The following ZFHX4 variants were observed in gnomAD, a reference collection of about 807,000 sequenced individuals.
ZFHX4 encodes the protein zinc finger homeobox 4.
Under a neutral mutation model 267.6 loss-of-function variants are expected in ZFHX4, and 56 were observed. The ratio of observed to expected loss-of-function variants is 0.21; its 90% CI spans 0.17 to 0.26. The LOEUF is 0.26. ZFHX4 is among the 10% of genes least tolerant of loss of function. ZFHX4 has a pLI of 1.00. For missense variants in ZFHX4, 4,332 were observed against 4,420.0 expected (o/e 0.98, Z 0.56); for synonymous variants, 1,778 against 1,665.6 (o/e 1.07, Z -1.64).
chr8:76,758,886 A>G (rs1468719283), intron 3 of ZFHX4, among the ~76,000 whole-genome samples: 1 of 152,152 alleles, frequency 6.6e-6, no homozygotes, highest in East Asian at 1.9e-4. Flanking sequence ...TCCCTGTTAA[A>G]CAACTGTTTT....
intron 5 of ZFHX4, among the ~76,000 whole-genome samples, chr8:76,834,753 A>G (rs892990146): frequency 5.3e-5 from 8 of 152,054 alleles, no homozygotes; most frequent in African/African-American, 1.9e-4. Context: ...TTTTAATGAA[A>G]TCCAACTTAT....
chr8:76,708,110 C>T, intron 3 of ZFHX4, 62 bp downstream of exon 3: 1 of 1,595,944 alleles, frequency 6.3e-7, no homozygotes, highest in East Asian at 2.2e-5. Context: ...TCTTTCAGAG[C>T]TTGGAGCACA....
intron 10 of ZFHX4, among the ~76,000 whole-genome samples, chr8:76,862,446 A>G (rs181586606): frequency 6.6e-6 from 1 of 152,348 alleles, no homozygotes; most frequent in East Asian, 1.9e-4. Context: ...ACTCCTAAAA[A>G]TGAAATCCTG....
intron 1 of ZFHX4, among the ~76,000 whole-genome samples, chr8:76,688,432 T>C (rs1214099185): frequency 6.6e-6 from 1 of 152,122 alleles, no homozygotes; most frequent in Non-Finnish European, 1.5e-5. Flanking sequence ...TCTTAAGATT[T>C]AATTCATAAA....
chr8:76,759,280 A>T (rs1161403120), intron 3 of ZFHX4, among the ~76,000 whole-genome samples: 1 of 152,212 alleles, frequency 6.6e-6, no homozygotes, highest in African/African-American at 2.4e-5. Flanking sequence ...GATAAAAAAA[A>T]TCTATTCCCC....
intron 3 of ZFHX4, among the ~76,000 whole-genome samples, chr8:76,766,033 T>C (rs1810042663): frequency 6.6e-6 from 1 of 152,096 alleles, no homozygotes; most frequent in African/African-American, 2.4e-5. Context: ...ATGTATCTAA[T>C]ATCCTTCGGT....
intron 1 of ZFHX4, among the ~76,000 whole-genome samples, chr8:76,693,129 A>G (rs1349669177): frequency 6.6e-6 from 1 of 152,214 alleles, no homozygotes; most frequent in Non-Finnish European, 1.5e-5. Context: ...CTATATCCAC[A>G]GTGATGGACA....
chr8:76,819,595 A>G (rs1811592970), intron 4 of ZFHX4, among the ~76,000 whole-genome samples: 1 of 152,132 alleles, frequency 6.6e-6, no homozygotes. Context: ...GTCCCTGTCT[A>G]TAGGACTTTT....
At chr8:76,771,565 AGTAGTT>A (rs1195923964) in intron 3 of ZFHX4, among the ~76,000 whole-genome samples, 1 of 152,068 alleles carries the variant, frequency 6.6e-6, no homozygotes, top group Non-Finnish European at 1.5e-5. Context: ...CAGACTCCCG[AGTAGTT>A]GGGACTACAG....
intron 3 of ZFHX4, among the ~76,000 whole-genome samples, chr8:76,730,065 A>G (rs925214644): frequency 1.3e-5 from 2 of 152,178 alleles, no homozygotes; most frequent in Non-Finnish European, 2.9e-5. Flanking sequence ...TTGTTAATAT[A>G]AAGTAATTTA....
At chr8:76,754,582 T>C (rs1809715310) in intron 3 of ZFHX4, among the ~76,000 whole-genome samples, 1 of 152,182 alleles carries the variant, frequency 6.6e-6, no homozygotes, top group African/African-American at 2.4e-5. Flanking sequence ...TAGATAATAA[T>C]TATACCTATT....
rs1294676069 is a variant in ZFHX4 at position 76,706,167 on chromosome 8, G to T, written c.2079G>T (p.Thr693=). ...GGCTTGCCCGGGGTGAGAGTTACAC[G>T]TGTGGCTATAAACCCTTCCGTTGTG... The part of the protein sequence containing the change: ...HPRLARGESY[T]CGYKPFRCEV... The change falls in exon 2 of 11, where the codon ACG becomes ACT. Residue 693 remains threonine, a synonymous_variant. Coordinates refer to ENST00000651372, the MANE Select transcript of ZFHX4 (RefSeq NM_024721.5). The T allele has an allele frequency of 5.0e-6, 8 of 1,614,036 alleles. No individual in the cohort carries two copies. The highest frequency in any genetic ancestry group is 5.9e-6 in the Non-Finnish European group (7 of 1,180,014).
At position 76,849,527 on chromosome 8, in the gene ZFHX4, T is replaced by G; in HGVS notation, c.3661T>G (p.Tyr1221Asp). 6.2e-7 allele frequency: 1 copy of G among 1,613,704 alleles called. No individual in the cohort carries two copies. The highest frequency in any genetic ancestry group is 8.5e-7 in the Non-Finnish European group (1 of 1,179,578). The change falls in exon 8 of 11, where the codon TAT becomes GAT. Residue 1221 changes from tyrosine (Y) to aspartate (D), a missense_variant. Physicochemically the swap from Tyr to Asp is radical, Grantham distance 160. Coordinates refer to ENST00000651372, the MANE Select transcript of ZFHX4 (RefSeq NM_024721.5). ...TATTTTCCAGTTCTATCAATGTCCTTATTGTAACTACAATAGTAGGGACCA... is the reference window on the plus strand; with the variant it reads ...TATTTTCCAGTTCTATCAATGTCCTGATTGTAACTACAATAGTAGGGACCA... ...FCHEQFYQCP[Y>D]CNYNSRDQSR... is the part of the protein sequence containing the mutation.
rs776718720 is a variant in ZFHX4, at chr8:76,853,090, C to A, written c.6169C>A (p.Pro2057Thr). 2.7e-6 allele frequency: 4 copies of A among 1,490,318 alleles called. No homozygotes were observed. The South Asian group carries it at 3.7e-5, about 14-fold the overall frequency. The allele number at this position is 1,490,318 out of a possible 1,614,324, so 92.3% of individuals were successfully genotyped here. Residue 2057 changes from proline to threonine, a missense_variant, in exon 10 of 11, where the codon CCA becomes ACA. Coordinates refer to ENST00000651372, the MANE Select transcript of ZFHX4 (RefSeq NM_024721.5). Reference sequence around the variant, plus strand: ...TCCTCCTCCTCCTCCTCCTCCCCCCCCACCTCCTCCACCTTCTGCTCCTCC... The same window carrying A: ...TCCTCCTCCTCCTCCTCCTCCCCCCACACCTCCTCCACCTTCTGCTCCTCC... ...PPPPPPPPPP[P>T]PPPPSAPPQV...
At chr8:76,831,239 T>G (rs185439830) in intron 4 of ZFHX4, among the ~76,000 whole-genome samples, 2 of 152,330 alleles carry the variant, frequency 1.3e-5, no homozygotes, top group Non-Finnish European at 1.5e-5. Context: ...ATAGCAGTTA[T>G]TTGGTCAAAG....
At chr8:76,766,876 A>G (rs1239916396) in intron 3 of ZFHX4, among the ~76,000 whole-genome samples, 2 of 152,036 alleles carry the variant, frequency 1.3e-5, no homozygotes, top group East Asian at 1.9e-4. Flanking sequence ...TGCTTTTTCA[A>G]GAGACAGTCT....
chr8:76,835,560 C>T (rs774862961), intron 5 of ZFHX4, among the ~76,000 whole-genome samples: 7 of 151,906 alleles, frequency 4.6e-5, no homozygotes, highest in Non-Finnish European at 1.0e-4. Flanking sequence ...GGACATTCCT[C>T]ATAAAAAATT....
At chr8:76,693,126 C>T (rs1202376621) in intron 1 of ZFHX4, among the ~76,000 whole-genome samples, 1 of 152,088 alleles carries the variant, frequency 6.6e-6, no homozygotes, top group Non-Finnish European at 1.5e-5. Context: ...ACACTATATC[C>T]ACAGTGATGG....
At chr8:76,823,034 A>T (rs2131869232) in intron 4 of ZFHX4, among the ~76,000 whole-genome samples, 1 of 151,606 alleles carries the variant, frequency 6.6e-6, no homozygotes, top group East Asian at 1.9e-4. Flanking sequence ...ACTTTTTAAC[A>T]TTTCTTTTCT....
Sources: gnomAD v4.1 joint callset for allele counts (sites outside exome capture counted in the v4.1 genomes callset) on GRCh38, gnomAD v4.1.1 for gene constraint, MANE v1.5 for transcripts, NCBI Gene and HGNC (gene_info 2026-07-23, HGNC 2026-07-21) for gene names.